Variants in DNAH7 observed in about 807,000 individuals in gnomAD.
DNAH7 encodes the protein axonemal beta dynein heavy chain 7.
In DNAH7, 397 loss-of-function variants were observed where a neutral mutation model predicts 444.6. That is an observed-to-expected ratio of 0.89 (90% confidence interval 0.82 to 0.97). DNAH7 has a LOEUF of 0.97. DNAH7 is among the 50% of genes least tolerant of loss of function. DNAH7 has a pLI of 0.00. For missense variants in DNAH7, 4,902 were observed against 4,800.8 expected, an observed-to-expected ratio of 1.02 and a Z score of -0.62; for synonymous variants, 1,636 against 1,624.4, an observed-to-expected ratio of 1.01 and a Z score of -0.17.
intron 60 of DNAH7, among the ~76,000 whole-genome samples, chr2:195,773,922 TC>T (rs1246746509): frequency 2.6e-5 from 4 of 152,226 alleles, no homozygotes; most frequent in African/African-American, 9.6e-5. Context: ...ATACAAAAAG[TC>T]TTGTCATCAT....
chr2:195,892,949 T>G (rs1702100213), intron 30 of DNAH7: 1 of 151,866 alleles, frequency 6.6e-6, no homozygotes. Flanking sequence ...TAACCTTTTT[T>G]TTTCTTTTTT....
Position 196,026,893 on chromosome 2 carries a change from G to C in DNAH7, c.534C>G (p.Ala178=). 1 of 1,612,108 alleles carries C rather than the reference G, an allele frequency of 6.2e-7. No homozygotes were observed. The highest frequency in any genetic ancestry group is 1.1e-5 in the South Asian group (1 of 90,922). ...IHHGIDTDHV[A]PMEDSWLEHV... The stretch of plus-strand genomic sequence containing the variant: ...GTTCTAGCCAAGAATCTTCCATTGG[G>C]GCTACATGGTCTGTATCAATTCCAT... Residue 178 remains alanine, a synonymous_variant, in exon 7 of 65, where the codon GCC becomes GCG. Transcript: ENST00000312428.
chr2:195,958,951 A>T (rs940697110), intron 18 of DNAH7, among the ~76,000 whole-genome samples: 1 of 152,186 alleles, frequency 6.6e-6, no homozygotes, highest in East Asian at 1.9e-4. Context: ...GTCATAAGGA[A>T]GAATGATTTA....
intron 1 of DNAH7, among the ~76,000 whole-genome samples, chr2:196,059,501 A>G (rs962098716): frequency 2.6e-5 from 4 of 152,202 alleles, no homozygotes; most frequent in African/African-American, 7.2e-5. Context: ...GACAACCAGC[A>G]TATTATCATG....
In DNAH7 at chr2:195,888,782, C is replaced by A. The variant is rs1406539792; in HGVS notation, c.5229+17G>T. The A allele has an allele frequency of 6.3e-7, 1 of 1,599,978 alleles. No homozygotes were observed. On this transcript the variant is annotated intron_variant, in intron 32 of 64. Coordinates refer to ENST00000312428, the MANE Select transcript of DNAH7 (RefSeq NM_018897.3). The stretch of plus-strand genomic sequence containing the variant: ...CATTTTATAATTTATAAAAAGATGT[C>A]AAAATGGAGAACTTACAGTGGCAGG...
chr2:195,878,844 A>G (rs188621836), intron 36 of DNAH7, among the ~76,000 whole-genome samples: 31 of 152,354 alleles, frequency 2.0e-4, no homozygotes, highest in African/African-American at 7.2e-4. Context: ...TCTTACCAGA[A>G]GATGGTGAAA....
Position 195,858,588 on chromosome 2 carries a change from C to T in DNAH7, c.7953G>A (p.Ala2651=), listed in dbSNP as rs989206666. The change falls in exon 43 of 65, where the codon GCG becomes GCA. Residue 2651 remains alanine (A), a synonymous_variant. Transcript: ENST00000312428. ...EKIVKADETI[A]NEQAMASKAI... is the part of the protein sequence containing the mutation. ...CTTTGGAAGCCATAGCTTGTTCATT[C>T]GCTATTGTTTCATCAGCTTTCACTA... is the stretch of plus-strand genomic sequence containing the variant. 1.7e-5 allele frequency: 28 copies of T among 1,613,858 alleles called. No individual in the cohort carries two copies. The highest frequency in any genetic ancestry group is 6.7e-5 in the East Asian group (3 of 44,884).
In DNAH7 at chr2:195,936,780, G is replaced by T; in HGVS notation, c.3091C>A (p.Leu1031Met). Reference sequence around the variant, plus strand: ...ATTCTGTCAATGGTTACAACTGTCAGAACATGTTTATCCTAAAAATAAAAA... The same window carrying T: ...ATTCTGTCAATGGTTACAACTGTCATAACATGTTTATCCTAAAAATAAAAA... Reference protein sequence around the residue: ...MRSVMQDKHVLTVVTIDRMLE... With the variant: ...MRSVMQDKHVMTVVTIDRMLE... Residue 1031 changes from leucine (L) to methionine (M), a missense_variant, in exon 20 of 65, where the codon CTG becomes ATG. By Grantham distance (15) the Leu-to-Met change is conservative. Transcript: ENST00000312428. 1.3e-6 allele frequency: 2 copies of T among 1,517,238 alleles called. No homozygotes were observed. Among genetic ancestry groups the T allele is most frequent in the Non-Finnish European group, 1.8e-6 (2 of 1,137,396 alleles). 94.0% of individuals were successfully genotyped at this position (1,517,238 alleles called of 1,614,324 possible).
intron 17 of DNAH7, among the ~76,000 whole-genome samples, chr2:195,965,505 T>G (rs1456081409): frequency 1.3e-5 from 2 of 152,214 alleles, no homozygotes; most frequent in Non-Finnish European, 2.9e-5. Context: ...AAGTATTCTC[T>G]CCTATATTTT....
chr2:196,061,515 C>T (rs1698132732), intron 1 of DNAH7, among the ~76,000 whole-genome samples: 1 of 152,180 alleles, frequency 6.6e-6, no homozygotes, highest in Non-Finnish European at 1.5e-5. Context: ...TCACCATTAA[C>T]ACCATTATTT....
intron 61 of DNAH7, among the ~76,000 whole-genome samples, chr2:195,761,656 C>T (rs1194592945): frequency 6.6e-6 from 1 of 152,120 alleles, no homozygotes; most frequent in African/African-American, 2.4e-5. Context: ...GGAAACCTTA[C>T]AGGCCATGAG....
chr2:195,829,028 A>AG (rs1323463798), intron 48 of DNAH7, among the ~76,000 whole-genome samples: 1 of 152,160 alleles, frequency 6.6e-6, no homozygotes, highest in Non-Finnish European at 1.5e-5. Context: ...TTCCTGTCAG[A>AG]GAAAAAGAGC....
intron 5 of DNAH7, among the ~76,000 whole-genome samples, chr2:196,037,734 T>C (rs1344544151): frequency 6.6e-6 from 1 of 152,170 alleles, no homozygotes; most frequent in Non-Finnish European, 1.5e-5. Flanking sequence ...CTGAGGGGCA[T>C]ATGGGATACC....
intron 19 of DNAH7, among the ~76,000 whole-genome samples, chr2:195,944,034 A>T (rs1689639466): frequency 6.6e-6 from 1 of 152,102 alleles, no homozygotes; most frequent in Non-Finnish European, 1.5e-5. Flanking sequence ...CTTGTTTCTA[A>T]GTCCTTGATT....
At chr2:195,784,061 GTCTTAC>G (rs1489047885) in intron 58 of DNAH7, among the ~76,000 whole-genome samples, 5 of 152,002 alleles carry the variant, frequency 3.3e-5, no homozygotes, top group Admixed American at 2.6e-4. Flanking sequence ...AGTGGCACAC[GTCTTAC>G]AAATGATGAG....
intron 63 of DNAH7, among the ~76,000 whole-genome samples, chr2:195,749,796 C>T (rs913105629): frequency 1.2e-4 from 17 of 138,186 alleles, no homozygotes; most frequent in Non-Finnish European, 1.7e-4. Flanking sequence ...GACACATGGA[C>T]ACAGGAAGGG....
chr2:195,884,999 T>C (rs1701627338), intron 34 of DNAH7, among the ~76,000 whole-genome samples, 190 bp from the exon 35 acceptor site: 2 of 152,176 alleles, frequency 1.3e-5, no homozygotes, highest in African/African-American at 4.8e-5. Flanking sequence ...GCTTATAAAA[T>C]CTTAGAGAAG....
At chr2:195,808,488 A>C (rs908514415) in intron 53 of DNAH7, among the ~76,000 whole-genome samples, 194 bp downstream of exon 53, 1 of 152,250 alleles carries the variant, frequency 6.6e-6, no homozygotes, top group Non-Finnish European at 1.5e-5. Context: ...GCATCTTAAT[A>C]CATTTCAAGG....
At chr2:195,941,442 C>G (rs1689432926) in intron 19 of DNAH7, among the ~76,000 whole-genome samples, 1 of 136,094 alleles carries the variant, frequency 7.3e-6, no homozygotes, top group Non-Finnish European at 1.5e-5. Context: ...AAACCTAGAA[C>G]CTAGATGACA....
Sources: allele counts gnomAD v4.1 joint callset (sites outside exome capture counted in the v4.1 genomes callset), GRCh38; gene constraint gnomAD v4.1.1; transcripts MANE v1.5; gene names NCBI Gene and HGNC (gene_info 2026-07-23, HGNC 2026-07-21).